The following NID2 variants were observed in gnomAD, a reference collection of about 807,000 sequenced individuals.
NID2 encodes the protein nidogen-2.
Under a neutral mutation model 145.4 loss-of-function variants are expected in NID2, and 83 were observed. That is an observed-to-expected ratio of 0.57 (90% CI 0.48 to 0.69). The LOEUF (loss-of-function observed/expected upper bound fraction) is 0.69. Among genes scored for constraint, NID2 ranks in the 30% least tolerant of loss-of-function variants. The pLI is 0.00. For synonymous variants in NID2, 739 were observed against 701.3 expected (o/e 1.05, Z -0.85); for missense variants, 1,807 against 1,765.7 (o/e 1.02, Z -0.42).
At chr14:52,034,813 C>T (rs959981056) in intron 9 of NID2, among the ~76,000 whole-genome samples, 1 of 152,120 alleles carries the variant, frequency 6.6e-6, no homozygotes, top group Non-Finnish European at 1.5e-5. Context: ...TTTTTTTCTC[C>T]TGGTGTGGCT....
intron 9 of NID2, among the ~76,000 whole-genome samples, chr14:52,032,471 G>A (rs1377147997): frequency 1.3e-5 from 2 of 152,142 alleles, no homozygotes; most frequent in African/African-American, 2.4e-5. Context: ...TGTGGTTGCC[G>A]AGTTAACTTG....
chr14:52,006,606 T>C lies in NID2; in HGVS notation c.3935A>G (p.Gln1312Arg), dbSNP rs1372334318. The change falls in exon 20 of 22, where the codon CAA (glutamine) becomes CGA (arginine). Residue 1312 changes from glutamine (Q) to arginine (R), a missense_variant. Physicochemically the swap from Gln to Arg is conservative, Grantham distance 43 (BLOSUM62 1). Coordinates refer to ENST00000216286, the MANE Select transcript of NID2 (RefSeq NM_007361.4). ...GCTGAAGGGGTACTTGAGGTTGTTT[T>C]GAATGACACGCCGTCCAGTTCCATC... ...LPDGTGRRVI[Q>R]NNLKYPFSIV... 1.2e-6 allele frequency: 2 copies of C among 1,613,854 alleles called. No individual in the cohort carries two copies. The highest frequency in any genetic ancestry group is 8.5e-7 in the Non-Finnish European group (1 of 1,179,856).
chr14:52,030,524 GAA>G lies in NID2; in HGVS notation c.2258-836_2258-835del, dbSNP rs1486098372. On this transcript the variant is annotated intron_variant, in intron 9 of 21. Coordinates refer to ENST00000216286, the MANE Select transcript of NID2 (RefSeq NM_007361.4). ...AAGAGAAAGAAAGAAAGAAAAGAAA[GAA>G]AGAAAGAAAGAAAGAAAGAAAGAAA... is the stretch of plus-strand genomic sequence containing the variant. 7.1e-3 allele frequency among the ~76,000 whole-genome samples: 285 copies of G among 40,018 alleles called. 3 individuals carry two copies. Among genetic ancestry groups the G allele is most frequent in the African/African-American group, 0.019 (227 of 11,680 alleles). The allele number at this position is 40,018 out of a possible 152,430, so 26.3% of individuals were successfully genotyped here.
chr14:52,059,132 G>T (rs1892946256), intron 3 of NID2, among the ~76,000 whole-genome samples: 1 of 152,208 alleles, frequency 6.6e-6, no homozygotes. Flanking sequence ...TGGGAAAATA[G>T]TAGTACTAAC....
Position 52,068,969 on chromosome 14 carries a change from C to G in NID2, c.26G>C (p.Arg9Pro). 1 of 1,612,326 alleles carries G rather than the reference C, an allele frequency of 6.2e-7. No homozygotes were observed. Among genetic ancestry groups the G allele is most frequent in the South Asian group, 1.1e-5 (1 of 91,032 alleles). ...CACTGGTAACGACGACAGCACCGGC[C>G]GCCCGGCCACCCGGTCCCCCTCCAT... is the stretch of plus-strand genomic sequence containing the variant. Reference protein sequence around the residue: MEGDRVAGRPVLSSLPVLL... With the variant: MEGDRVAGPPVLSSLPVLL... Residue 9 changes from arginine (R) to proline (P), a missense_variant, in exon 1 of 22, where the codon CGG becomes CCG. Physicochemically the swap from Arg to Pro is moderately radical, Grantham distance 103 (BLOSUM62 -2). Coordinates refer to ENST00000216286, the MANE Select transcript of NID2 (RefSeq NM_007361.4).
chr14:52,066,789 A>G (rs149782521), intron 2 of NID2, among the ~76,000 whole-genome samples: 6 of 152,294 alleles, frequency 3.9e-5, no homozygotes, highest in African/African-American at 1.4e-4. Flanking sequence ...ATGGTATTTT[A>G]GATTCAGGTC....
At chr14:52,016,736 A>G (rs1308904248) in intron 14 of NID2, among the ~76,000 whole-genome samples, 1 of 152,206 alleles carries the variant, frequency 6.6e-6, no homozygotes, top group Non-Finnish European at 1.5e-5. Flanking sequence ...CAGCAGCCAG[A>G]ATGGCCCATT....
intron 2 of NID2, among the ~76,000 whole-genome samples, chr14:52,067,651 G>A (rs911620585): frequency 5.9e-5 from 9 of 152,078 alleles, no homozygotes; most frequent in African/African-American, 1.9e-4. Context: ...TTTCCTCAAG[G>A]GAGTGACCAC....
At chr14:52,043,922 G>T (rs1892383570) in intron 5 of NID2, among the ~76,000 whole-genome samples, 1 of 152,142 alleles carries the variant, frequency 6.6e-6, no homozygotes, top group African/African-American at 2.4e-5. Context: ...AGGTGGAGTT[G>T]GCTGGAGACT....
intron 14 of NID2, among the ~76,000 whole-genome samples, chr14:52,015,781 G>T (rs1891195442): frequency 6.6e-6 from 1 of 152,210 alleles, no homozygotes; most frequent in Admixed American, 6.5e-5. Flanking sequence ...GGGCCATCTT[G>T]CGACTGGCCA....
chr14:52,033,556 G>A (rs1423133334), intron 9 of NID2, among the ~76,000 whole-genome samples: 1 of 152,188 alleles, frequency 6.6e-6, no homozygotes, highest in African/African-American at 2.4e-5. Flanking sequence ...CTCGCCCTGG[G>A]AAGTCGCACC....
intron 8 of NID2, among the ~76,000 whole-genome samples, 170 bp downstream of exon 8, chr14:52,040,481 C>G (rs1471372430): frequency 6.6e-6 from 1 of 152,196 alleles, no homozygotes; most frequent in South Asian, 2.1e-4. Flanking sequence ...ATTCTGCTCA[C>G]TTACACGATA....
chr14:52,020,223 C>G (rs1891353823), intron 12 of NID2, 45 bp from the exon 13 acceptor site: 1 of 1,609,358 alleles, frequency 6.2e-7, no homozygotes. Flanking sequence ...AACACTATGA[C>G]TTCACTCACA....
At chr14:52,021,840 T>G (rs993091049) in intron 12 of NID2, among the ~76,000 whole-genome samples, 1 of 152,212 alleles carries the variant, frequency 6.6e-6, no homozygotes, top group Non-Finnish European at 1.5e-5. Flanking sequence ...TCCCTGAGCT[T>G]GGCTCTGCCT....
chr14:52,037,300 TA>T (rs1301722224), intron 9 of NID2, among the ~76,000 whole-genome samples: 1 of 152,120 alleles, frequency 6.6e-6, no homozygotes, highest in African/African-American at 2.4e-5. Context: ...ATCAGAATTC[TA>T]TTATTATTAT....
intron 10 of NID2, among the ~76,000 whole-genome samples, chr14:52,029,066 A>C (rs150370084): frequency 8.5e-5 from 13 of 152,320 alleles, no homozygotes; most frequent in Non-Finnish European, 1.8e-4. Context: ...AGGAAGATAA[A>C]TTTTTAAGTG....
intron 9 of NID2, 24 bp from the exon 10 acceptor site, chr14:52,029,714 A>G (rs765318432): frequency 5.4e-5 from 87 of 1,606,296 alleles, no homozygotes; most frequent in Non-Finnish European, 7.1e-5. Flanking sequence ...GGGGAAATAA[A>G]AGCACAATCT....
rs548997817 is a variant in NID2 at position 52,017,264 on chromosome 14, A to G, written c.3028+1797T>C. 3.3e-5 allele frequency among the ~76,000 whole-genome samples: 5 copies of G among 152,302 alleles called. 1 individual carries two copies. The East Asian group carries it at 7.7e-4, about 23-fold the overall frequency. On this transcript the variant is annotated intron_variant, in intron 14 of 21. Coordinates refer to ENST00000216286, the MANE Select transcript of NID2 (RefSeq NM_007361.4). ...TCACTCATACATGGGCATCCCTTTC[A>G]TTCGTTACTATTTGCTACTTTTCAA...
chr14:52,012,015 TCAATAGGTG>T, intron 16 of NID2: 1 of 202,478 alleles, frequency 4.9e-6, no homozygotes, highest in Non-Finnish European at 1.0e-5. Context: ...AGTAAGCCCT[TCAATAGGTG>T]CTATTATGAC....
Sources: allele counts gnomAD v4.1 joint callset (sites outside exome capture counted in the v4.1 genomes callset), GRCh38; gene constraint gnomAD v4.1.1; transcripts MANE v1.5; gene names NCBI Gene and HGNC (gene_info 2026-07-23, HGNC 2026-07-21).